JAKMIP1: variants seen among roughly 807,000 people sequenced by gnomAD.
The protein encoded by JAKMIP1 is janus kinase and microtubule-interacting protein 1.
Under a neutral mutation model 113.0 loss-of-function variants are expected in JAKMIP1, and 33 were observed. The observed-to-expected ratio is 0.29, with a 90% confidence interval of 0.22 to 0.39. The LOEUF (loss-of-function observed/expected upper bound fraction) is 0.39, where lower values mean the gene tolerates loss of function less well. JAKMIP1 is among the 10% of genes least tolerant of loss of function. The pLI is 1.00. For missense variants in JAKMIP1, 813 were observed against 1,080.5 expected, an observed-to-expected ratio of 0.75 and a Z score of 3.47; for synonymous variants, 480 against 459.9, an observed-to-expected ratio of 1.04 and a Z score of -0.56.
Position 6,059,771 on chromosome 4 carries a change from CA to C in JAKMIP1, c.1644+652del, listed in dbSNP as rs1717002563. 6.6e-6 allele frequency among the ~76,000 whole-genome samples: 1 copy of C among 152,120 alleles called. No homozygotes were observed. Among genetic ancestry groups the C allele is most frequent in the Admixed American group, 6.6e-5 (1 of 15,260 alleles). ...GGGAGACGTTCAGGTTATGTCACCA[CA>C]GCAGCACTTCTGACACAGAGGAGGC... On this transcript the variant is annotated intron_variant, in intron 11 of 20. Coordinates refer to ENST00000409021, the MANE Select transcript of JAKMIP1 (RefSeq NM_001099433.2). The surrounding 1 kb of genome is among the most constrained non-coding windows in gnomAD (Gnocchi z 4.8).
Position 6,112,949 on chromosome 4 carries a change from C to T in JAKMIP1, c.-99G>A, listed in dbSNP as rs979869723. 1.1e-5 allele frequency: 16 copies of T among 1,478,404 alleles called. No homozygotes were observed. The South Asian group carries it at 1.2e-4, about 11-fold the overall frequency. The allele number at this position is 1,478,404 out of a possible 1,614,324, so 91.6% of individuals were successfully genotyped here. ...TACCAGCTCCACCGTGCTAACCAGTCGCGCAGGACTCAGCTCGCCCTCCGA... is the reference window on the plus strand; with the variant it reads ...TACCAGCTCCACCGTGCTAACCAGTTGCGCAGGACTCAGCTCGCCCTCCGA... On this transcript the variant is annotated 5_prime_UTR_variant, in exon 2 of 21. Coordinates refer to ENST00000409021, the MANE Select transcript of JAKMIP1 (RefSeq NM_001099433.2).
chr4:6,095,636 T>C (rs12649627), intron 3 of JAKMIP1, among the ~76,000 whole-genome samples: 49,557 of 152,134 alleles, frequency 0.33, 10,083 homozygotes, highest in East Asian at 0.58. Flanking sequence ...GCGGATGCAA[T>C]AGACCACTGG....
rs536242690 is a variant in JAKMIP1 at position 6,051,090 on chromosome 4, C to A, written c.1807-411G>T. 6.6e-6 allele frequency among the ~76,000 whole-genome samples: 1 copy of A among 152,378 alleles called. No individual in the cohort carries two copies. The highest frequency in any genetic ancestry group is 1.9e-4 in the East Asian group (1 of 5,186). The stretch of plus-strand genomic sequence containing the variant: ...CTCCCGTCTAATCCTCACACTACCC[C>A]AGGAGGCAGGCTCATTGCTTTCATT... On this transcript the variant is annotated intron_variant, in intron 13 of 20. Coordinates refer to ENST00000409021, the MANE Select transcript of JAKMIP1 (RefSeq NM_001099433.2). This position sits in a 1 kb window ranked among gnomAD's most constrained non-coding sequence, Gnocchi z 5.0.
chr4:6,079,820 A>AAG lies in JAKMIP1; in HGVS notation c.1242+351_1242+352insCT, dbSNP rs552122976. ...AAAAACCAACCAACCAACCAACCAAACAAACAAAAAGCCTTCTCTGGAACA... is the reference window on the plus strand; with the variant it reads ...AAAAACCAACCAACCAACCAACCAAAAGCAAACAAAAAGCCTTCTCTGGAACA... On this transcript the variant is annotated intron_variant, in intron 7 of 20. Coordinates refer to ENST00000409021, the MANE Select transcript of JAKMIP1 (RefSeq NM_001099433.2). Among the ~76,000 whole-genome samples, 145 of 150,904 alleles carry AAG rather than the reference A, an allele frequency of 9.6e-4. 2 individuals are homozygous for AAG. The highest frequency in any genetic ancestry group is 3.3e-3 in the African/African-American group (133 of 40,518).
chr4:6,071,274 G>C (rs1452560642), intron 8 of JAKMIP1, among the ~76,000 whole-genome samples: 2 of 151,016 alleles, frequency 1.3e-5, no homozygotes, highest in East Asian at 1.9e-4. Flanking sequence ...GTGCAGACCT[G>C]AGACAGCTGG....
chr4:6,156,651 G>C lies in JAKMIP1; in HGVS notation c.-148+43602C>G, dbSNP rs1223728385. On this transcript the variant is annotated intron_variant, in intron 1 of 20. Transcript: ENST00000409021. The surrounding 1 kb of genome is among the most constrained non-coding windows in gnomAD (Gnocchi z 5.0). ...GAAGGCTTTCATCTGTCTTCACCCA[G>C]GAAATGTCTGACAGCATCCGCTGAG... 6.6e-6 allele frequency among the ~76,000 whole-genome samples: 1 copy of C among 152,204 alleles called. No individual in the cohort carries two copies. Among genetic ancestry groups the C allele is most frequent in the East Asian group, 1.9e-4 (1 of 5,200 alleles).
At chr4:6,038,568 G>A (rs544608799) in intron 18 of JAKMIP1, among the ~76,000 whole-genome samples, 98 of 152,240 alleles carry the variant, frequency 6.4e-4, no homozygotes, top group South Asian at 1.2e-3. Flanking sequence ...GTAGCCCTCC[G>A]TCACCATCAG....
intron 2 of JAKMIP1, among the ~76,000 whole-genome samples, chr4:6,110,727 T>C (rs1714787214): frequency 6.7e-6 from 1 of 148,338 alleles, no homozygotes; most frequent in Non-Finnish European, 1.5e-5. Flanking sequence ...CATCTACAGA[T>C]GGGAAAACTG....
chr4:6,174,789 A>G (rs1397081954), intron 1 of JAKMIP1, among the ~76,000 whole-genome samples: 8 of 127,900 alleles, frequency 6.3e-5, no homozygotes, highest in African/African-American at 9.4e-5. Context: ...CACGACACCC[A>G]GCTCCCAGGT....
chr4:6,112,691 C>T (rs772561866), intron 2 of JAKMIP1, 31 bp downstream of exon 2: 1 of 1,607,598 alleles, frequency 6.2e-7, no homozygotes, highest in Non-Finnish European at 8.5e-7. Flanking sequence ...ATTTGCAGCC[C>T]AGCCGCTGCT....
intron 16 of JAKMIP1, among the ~76,000 whole-genome samples, chr4:6,047,267 C>G (rs1715117539): frequency 6.6e-6 from 1 of 152,252 alleles, no homozygotes; most frequent in South Asian, 2.1e-4. Context: ...GGGCCGTGCT[C>G]AGCACTTGAC....
In JAKMIP1 at chr4:6,105,491, C is replaced by T; in HGVS notation, c.606G>A (p.Glu202=). The part of the protein sequence containing the change: ...DEVHRIKREC[E]RDIRRLMDEI... ...CACGTACCAGCCTGCGGATGTCGCG[C>T]TCGCACTCGCGCTTGATGCGGTGCA... Residue 202 remains glutamate (E), a synonymous_variant, in exon 3 of 21, where the codon GAG becomes GAA. Coordinates refer to ENST00000409021, the MANE Select transcript of JAKMIP1 (RefSeq NM_001099433.2). 6.2e-7 allele frequency: 1 copy of T among 1,603,930 alleles called. No individual in the cohort carries two copies. The highest frequency in any genetic ancestry group is 1.7e-5 in the Admixed American group (1 of 59,662).
intron 12 of JAKMIP1, 32 bp from the exon 13 acceptor site, chr4:6,054,180 T>C (rs1164854798): frequency 1.9e-6 from 3 of 1,612,366 alleles, no homozygotes; most frequent in Admixed American, 3.3e-5. Context: ...ATTAACAGGA[T>C]GGGTGGGAGC....
At position 6,176,878 on chromosome 4, in the gene JAKMIP1, CA is replaced by C. The variant is rs1725401573; in HGVS notation, c.-148+23374del. ...CGAAACCCTGCCTCTACAAAAAATA[CA>C]AAAATTAGCCAGGCATGGTGGCATG... On this transcript the variant is annotated intron_variant, in intron 1 of 20. Coordinates refer to ENST00000409021, the MANE Select transcript of JAKMIP1 (RefSeq NM_001099433.2). This position sits in a 1 kb window ranked among gnomAD's most constrained non-coding sequence, Gnocchi z 5.5. Among the ~76,000 whole-genome samples, 1 of 152,120 alleles carries C rather than the reference CA, an allele frequency of 6.6e-6. No individual in the cohort carries two copies.
At chr4:6,171,018 A>G (rs1353005206) in intron 1 of JAKMIP1, among the ~76,000 whole-genome samples, 2 of 148,998 alleles carry the variant, frequency 1.3e-5, no homozygotes, top group South Asian at 2.2e-4. Context: ...TGCCATCACC[A>G]TAATCACCAC....
At position 6,138,397 on chromosome 4, in the gene JAKMIP1, TG is replaced by T. The variant is rs1338384439; in HGVS notation, c.-147-25401del. Among the ~76,000 whole-genome samples the T allele has an allele frequency of 1.3e-5, 2 of 151,990 alleles. No individual in the cohort carries two copies. The highest frequency in any genetic ancestry group is 2.9e-5 in the Non-Finnish European group (2 of 67,976). ...CAAGTAGCTGGGATTACACCACACC[TG>T]GCTCATTTTTGTATTTTTAGTAGAG... On this transcript the variant is annotated intron_variant, in intron 1 of 20. Coordinates refer to ENST00000409021, the MANE Select transcript of JAKMIP1 (RefSeq NM_001099433.2). The surrounding 1 kb of genome is among the most constrained non-coding windows in gnomAD (Gnocchi z 6.0).
In JAKMIP1 at chr4:6,064,684, C is replaced by T. The variant is rs1717798399; in HGVS notation, c.1431+196G>A. Among the ~76,000 whole-genome samples, 4 of 152,256 alleles carry T rather than the reference C, an allele frequency of 2.6e-5. No individual in the cohort carries two copies. The highest frequency in any genetic ancestry group is 2.4e-5 in the African/African-American group (1 of 41,564). On this transcript the variant is annotated intron_variant, in intron 9 of 20. Transcript: ENST00000409021. The surrounding 1 kb of genome is among the most constrained non-coding windows in gnomAD (Gnocchi z 4.3). ...GGGTCCCCACGTGCTGCCCTCCCAT[C>T]GCCATTCATGGAGCCCACAGCTGTG...
chr4:6,137,192 AGCCACAT>A lies in JAKMIP1; in HGVS notation c.-147-24202_-147-24196del, dbSNP rs1280451980. Among the ~76,000 whole-genome samples the A allele has an allele frequency of 6.6e-6, 1 of 152,036 alleles. No homozygotes were observed. The highest frequency in any genetic ancestry group is 1.5e-5 in the Non-Finnish European group (1 of 68,018). On this transcript the variant is annotated intron_variant, in intron 1 of 20. Transcript: ENST00000409021. This position sits in a 1 kb window ranked among gnomAD's most constrained non-coding sequence, Gnocchi z 4.5. ...GCCTCCCCCATAGGGCTTGGAATCG[AGCCACAT>A]GCAGCTCTGCCTCCTCCACCTGACA... is the stretch of plus-strand genomic sequence containing the variant.
rs943938309 is a variant in JAKMIP1, at chr4:6,139,069, CACACACACACACACATAT to C, written c.-147-26090_-147-26073del. On this transcript the variant is annotated intron_variant, in intron 1 of 20. Coordinates refer to ENST00000409021, the MANE Select transcript of JAKMIP1 (RefSeq NM_001099433.2). This position sits in a 1 kb window ranked among gnomAD's most constrained non-coding sequence, Gnocchi z 5.2. ...ACATCATTAGAAACACACACACACA[CACACACACACACACATAT>C]ACACACACACACACACACCAGCAGG... is the stretch of plus-strand genomic sequence containing the variant. 3.4e-5 allele frequency among the ~76,000 whole-genome samples: 5 copies of C among 148,732 alleles called. No homozygotes were observed. Among genetic ancestry groups the C allele is most frequent in the African/African-American group, 1.3e-4 (5 of 38,916 alleles).
Sources: gnomAD v4.1 joint callset for allele counts (sites outside exome capture counted in the v4.1 genomes callset) on GRCh38, gnomAD v4.1.1 for gene constraint, Gnocchi (gnomAD v3.1) non-coding constraint, MANE v1.5 for transcripts, NCBI Gene and HGNC (gene_info 2026-07-23, HGNC 2026-07-21) for gene names.